The following MROH1 variants were observed in gnomAD, a reference collection of about 807,000 sequenced individuals.
The protein encoded by MROH1 is maestro heat like repeat family member 1, also known as maestro heat-like repeat-containing protein family member 1.
In MROH1, 117 loss-of-function variants were observed where a neutral mutation model predicts 116.5. The observed-to-expected ratio is 1.00, with a 90% CI of 0.86 to 1.17. MROH1 has a LOEUF of 1.17. Among genes scored for constraint, MROH1 ranks in the 50% most tolerant of loss-of-function variants. MROH1 has a pLI of 0.00. For missense variants in MROH1, 1,873 were observed against 1,338.5 expected, an observed-to-expected ratio of 1.40 and a Z score of -6.23; for synonymous variants, 921 against 583.9, an observed-to-expected ratio of 1.58 and a Z score of -8.32.
Position 144,163,577 on chromosome 8 carries a change from G to A in MROH1, c.-56-194G>A, listed in dbSNP as rs908969780. 6.6e-6 allele frequency among the ~76,000 whole-genome samples: 1 copy of A among 152,168 alleles called. No homozygotes were observed. The highest frequency in any genetic ancestry group is 6.6e-5 in the Admixed American group (1 of 15,258). Reference sequence around the variant, plus strand: ...AGGGACTGATGGGTGCTCAGGGATGGAGGAGAGCTGGAAACTGTTGAGGAT... The same window carrying A: ...AGGGACTGATGGGTGCTCAGGGATGAAGGAGAGCTGGAAACTGTTGAGGAT... On this transcript the variant is annotated intron_variant, in intron 2 of 43. Transcript: ENST00000326134. This position sits in a 1 kb window ranked among gnomAD's most constrained non-coding sequence, Gnocchi z 4.4.
Position 144,223,181 on chromosome 8 carries a change from C to G in MROH1, c.1289C>G (p.Ala430Gly). 1 of 1,611,924 alleles carries G rather than the reference C, an allele frequency of 6.2e-7. No individual in the cohort carries two copies. Among genetic ancestry groups the G allele is most frequent in the East Asian group, 2.2e-5 (1 of 44,820 alleles). Reference sequence around the variant, plus strand: ...TACCTGGAGCAGCCTGGAGGTGAGGCGATGATCGAGTACATCGTGCAGCAG... The same window carrying G: ...TACCTGGAGCAGCCTGGAGGTGAGGGGATGATCGAGTACATCGTGCAGCAG... Reference protein sequence around the residue: ...HGYLEQPGGEAMIEYIVQQCA... With the variant: ...HGYLEQPGGEGMIEYIVQQCA... The change falls in exon 14 of 44, where the codon GCG becomes GGG. Residue 430 changes from alanine to glycine, a missense_variant. Coordinates refer to ENST00000326134, the MANE Select transcript of MROH1 (RefSeq NM_032450.3).
intron 7 of MROH1, among the ~76,000 whole-genome samples, chr8:144,186,564 C>A (rs1398303871): frequency 6.6e-6 from 1 of 152,192 alleles, no homozygotes; most frequent in Non-Finnish European, 1.5e-5. Flanking sequence ...GATACAGTGA[C>A]CCTTGATATC....
chr8:144,238,648 C>A lies in MROH1; in HGVS notation c.1339-108C>A, dbSNP rs1840445550. 4.3e-6 allele frequency: 3 copies of A among 694,050 alleles called. No individual in the cohort carries two copies. In the Admixed American group the frequency reaches 6.1e-5, roughly 14 times the overall value. The allele number at this position is 694,050 out of a possible 1,614,324, so 43.0% of individuals were successfully genotyped here. A position where few individuals can be genotyped will look rare whatever the true frequency, so the allele number is the denominator to read the frequency against. On this transcript the variant is annotated intron_variant, in intron 14 of 43. Transcript: ENST00000326134. ...CTGTGGCAGGTGGTGCACATGTCTGCGTGACCTGCGGCGAGGCTCAGGGTC... is the reference window on the plus strand; with the variant it reads ...CTGTGGCAGGTGGTGCACATGTCTGAGTGACCTGCGGCGAGGCTCAGGGTC...
intron 1 of MROH1, among the ~76,000 whole-genome samples, chr8:144,151,205 G>A (rs1816672277): frequency 3.0e-5 from 4 of 132,560 alleles, no homozygotes; most frequent in South Asian, 2.3e-4. Flanking sequence ...CCGAGATTGC[G>A]CCATTGCATT....
At chr8:144,259,098 C>G (rs1313072933) in intron 36 of MROH1, 142 bp from the exon 37 acceptor site, 1 of 679,046 alleles carries the variant, frequency 1.5e-6, no homozygotes, top group African/African-American at 1.8e-5. Context: ...GCGAGGCAAG[C>G]TGGGAGGCAT....
rs939814404 is a variant in MROH1 at position 144,149,984 on chromosome 8, C to T, written c.-177+1908C>T. ...GGGAGAGAAGGTTCCTTGGACCTGA[C>T]GCGTGGGTGGGGCATTCTGTGACCT... is the stretch of plus-strand genomic sequence containing the variant. On this transcript the variant is annotated intron_variant, in intron 1 of 43. Coordinates refer to ENST00000326134, the MANE Select transcript of MROH1 (RefSeq NM_032450.3). Among the ~76,000 whole-genome samples the T allele has an allele frequency of 9.9e-5, 15 of 152,174 alleles. No homozygotes were observed. In the Middle Eastern group the frequency reaches 0.01, roughly 104 times the overall value.
intron 7 of MROH1, 86 bp from the exon 8 acceptor site, chr8:144,190,698 C>T (rs1588035818): frequency 6.6e-7 from 1 of 1,520,402 alleles, no homozygotes; most frequent in East Asian, 2.3e-5. Context: ...CGTGGGATTT[C>T]TGGAAGGGGC....
At position 144,189,330 on chromosome 8, in the gene MROH1, G is replaced by A. The variant is rs573779210; in HGVS notation, c.563-1454G>A. On this transcript the variant is annotated intron_variant, in intron 7 of 43. Transcript: ENST00000326134. ...CTTTGTGTTTCCTCCTCCAGTTTCTGCGTCTCCGCCTGGTCCTCAGCAGGG... is the reference window on the plus strand; with the variant it reads ...CTTTGTGTTTCCTCCTCCAGTTTCTACGTCTCCGCCTGGTCCTCAGCAGGG... 2.6e-5 allele frequency among the ~76,000 whole-genome samples: 4 copies of A among 152,298 alleles called. No homozygotes were observed. In the South Asian group the frequency reaches 8.3e-4, roughly 32 times the overall value.
chr8:144,156,009 C>T (rs1372497486), intron 1 of MROH1, among the ~76,000 whole-genome samples: 13 of 151,820 alleles, frequency 8.6e-5, no homozygotes, highest in East Asian at 4.0e-4. Context: ...GAGGCCGAGG[C>T]GGGTGGATCA....
In MROH1 at chr8:144,191,766, A is replaced by T; in HGVS notation, c.766A>T (p.Ser256Cys). Residue 256 changes from serine to cysteine, a missense_variant, in exon 9 of 44, where the codon AGT becomes TGT. Coordinates refer to ENST00000326134, the MANE Select transcript of MROH1 (RefSeq NM_032450.3). Reference protein sequence around the residue: ...ALGPMSHLLPSERLEEQLPKL... With the variant: ...ALGPMSHLLPCERLEEQLPKL... ...GGGGCCTATGAGCCATCTGCTGCCCAGTGAGAGGCTGGAAGAGCAGCTGCC... is the reference window on the plus strand; with the variant it reads ...GGGGCCTATGAGCCATCTGCTGCCCTGTGAGAGGCTGGAAGAGCAGCTGCC... 1 of 1,613,276 alleles carries T rather than the reference A, an allele frequency of 6.2e-7. No individual in the cohort carries two copies. Among genetic ancestry groups the T allele is most frequent in the Non-Finnish European group, 8.5e-7 (1 of 1,179,762 alleles).
At chr8:144,253,120 C>G (rs1336258613) in intron 33 of MROH1, among the ~76,000 whole-genome samples, 1 of 151,728 alleles carries the variant, frequency 6.6e-6, no homozygotes, top group Admixed American at 6.6e-5. Context: ...CGCCGTTGCA[C>G]TCCAGCCTGG....
intron 35 of MROH1, among the ~76,000 whole-genome samples, chr8:144,257,863 G>A (rs1203814683): frequency 6.6e-6 from 1 of 152,280 alleles, no homozygotes; most frequent in Non-Finnish European, 1.5e-5. Context: ...GAGGTCCAAA[G>A]GCGGCGGGGG....
At chr8:144,177,085 G>C (rs564654473) in intron 4 of MROH1, among the ~76,000 whole-genome samples, 97 of 152,322 alleles carry the variant, frequency 6.4e-4, no homozygotes, top group African/African-American at 2.2e-3. Flanking sequence ...TTAGTGTTCC[G>C]TGCTGAGGCT....
intron 1 of MROH1, among the ~76,000 whole-genome samples, chr8:144,152,349 A>G (rs1220671244): frequency 2.0e-5 from 3 of 151,878 alleles, no homozygotes; most frequent in African/African-American, 7.3e-5. Flanking sequence ...CATATATATT[A>G]TGATTGGTTT....
chr8:144,184,013 G>A (rs1452932278), intron 7 of MROH1, among the ~76,000 whole-genome samples: 1 of 152,116 alleles, frequency 6.6e-6, no homozygotes, highest in Non-Finnish European at 1.5e-5. Context: ...CCCCTCCTCA[G>A]CAAAAAGTGA....
rs979711298 is a variant in MROH1, at chr8:144,245,308, T to C, written c.2871+48T>C. On this transcript the variant is annotated intron_variant, in intron 29 of 43. Coordinates refer to ENST00000326134, the MANE Select transcript of MROH1 (RefSeq NM_032450.3). ...CGGGTGCTGCTGCCTGTGTTACTCA[T>C]GACCCAGAGTGTGAGCTGCCTTCCT... The C allele has an allele frequency of 5.9e-5, 45 of 767,818 alleles. No homozygotes were observed. The African/African-American group carries it at 7.3e-4, about 12-fold the overall frequency. The allele number at this position is 767,818 out of a possible 1,614,324, so 47.6% of individuals were successfully genotyped here. A position where few individuals can be genotyped will look rare whatever the true frequency, so the allele number is the denominator to read the frequency against.
At position 144,220,664 on chromosome 8, in the gene MROH1, C is replaced by T. The variant is rs1475767046; in HGVS notation, c.1206C>T (p.Thr402=). 1 of 1,573,504 alleles carries T rather than the reference C, an allele frequency of 6.4e-7. No individual in the cohort carries two copies. Among genetic ancestry groups the T allele is most frequent in the Non-Finnish European group, 8.6e-7 (1 of 1,159,684 alleles). Residue 402 remains threonine, a synonymous_variant, in exon 13 of 44, where the codon ACC becomes ACT. Transcript: ENST00000326134. The part of the protein sequence containing the change: ...LSSMRLPLLD[T]NSKVKRAVVQ... Reference sequence around the variant, plus strand: ...CCATGAGGCTTCCTCTCCTGGACACCAACAGCAAGGTAAACCACATGGGCC... The same window carrying T: ...CCATGAGGCTTCCTCTCCTGGACACTAACAGCAAGGTAAACCACATGGGCC...
Position 144,236,271 on chromosome 8 carries a change from T to C in MROH1, c.1339-2485T>C, listed in dbSNP as rs904275576. 8.2e-3 allele frequency among the ~76,000 whole-genome samples: 1,248 copies of C among 152,254 alleles called. 33 individuals carry two copies. Among genetic ancestry groups the C allele is most frequent in the African/African-American group, 0.028 (1,171 of 41,544 alleles). On this transcript the variant is annotated intron_variant, in intron 14 of 43. Coordinates refer to ENST00000326134, the MANE Select transcript of MROH1 (RefSeq NM_032450.3). ...ATGGAATCGTGCATGTCCCCACCAGTGTATCATATCGGGGGTCCTAGTGTT... is the reference window on the plus strand; with the variant it reads ...ATGGAATCGTGCATGTCCCCACCAGCGTATCATATCGGGGGTCCTAGTGTT...
chr8:144,221,093 G>A (rs755408218), intron 13 of MROH1, among the ~76,000 whole-genome samples: 7 of 152,270 alleles, frequency 4.6e-5, no homozygotes, highest in African/African-American at 1.4e-4. Context: ...CTGGGGTCGC[G>A]GACAGTGTTA....
Sources: gnomAD v4.1 joint callset for allele counts (sites outside exome capture counted in the v4.1 genomes callset) on GRCh38, gnomAD v4.1.1 for gene constraint, Gnocchi (gnomAD v3.1) non-coding constraint, MANE v1.5 for transcripts, NCBI Gene and HGNC (gene_info 2026-07-23, HGNC 2026-07-21) for gene names.